The following TAFA1 variants were observed in gnomAD, a reference collection of about 807,000 sequenced individuals.
TAFA1 encodes TAFA chemokine like family member 1.
A neutral mutation model predicts 18.5 loss-of-function variants in TAFA1; 4 were observed. The observed-to-expected ratio is 0.22, with a 90% confidence interval of 0.11 to 0.49. TAFA1 has a LOEUF of 0.49. Among genes scored for constraint, TAFA1 ranks in the 20% least tolerant of loss-of-function variants. The probability of loss-of-function intolerance (pLI) is 0.98; values close to 1 mark genes in which losing one functional copy is unlikely to be tolerated. For synonymous variants in TAFA1, 56 were observed against 55.2 expected, an observed-to-expected ratio of 1.01 and a Z score of -0.06; for missense variants, 147 against 169.0, an observed-to-expected ratio of 0.87 and a Z score of 0.72.
At chr3:68,346,893 G>C (rs949755097) in intron 2 of TAFA1, among the ~76,000 whole-genome samples, 11 of 152,134 alleles carry the variant, frequency 7.2e-5, no homozygotes, top group African/African-American at 2.4e-4. Context: ...AGAGGCTAGA[G>C]GGCTGATAGA....
chr3:68,337,271 C>T (rs1454258193), intron 2 of TAFA1, among the ~76,000 whole-genome samples: 1 of 152,050 alleles, frequency 6.6e-6, no homozygotes, highest in Non-Finnish European at 1.5e-5. Context: ...TCCTATGTGG[C>T]TGGAGCAGGA....
chr3:68,516,571 A>G (rs2072923699), intron 3 of TAFA1, among the ~76,000 whole-genome samples: 1 of 152,170 alleles, frequency 6.6e-6, no homozygotes, highest in Non-Finnish European at 1.5e-5. Flanking sequence ...CTTGGATTGA[A>G]AGCTATCAGG....
At chr3:68,014,984 C>A (rs371911372) in intron 2 of TAFA1, among the ~76,000 whole-genome samples, 4 of 152,042 alleles carry the variant, frequency 2.6e-5, no homozygotes, top group Non-Finnish European at 5.9e-5. Context: ...CCAACTCTAA[C>A]ATTTTATGAT....
chr3:68,389,711 G>T (rs1047612241), intron 2 of TAFA1, among the ~76,000 whole-genome samples: 16 of 152,174 alleles, frequency 1.1e-4, no homozygotes, highest in African/African-American at 3.6e-4. Flanking sequence ...CCCACAGAGG[G>T]TGAGCAGAAG....
intron 2 of TAFA1, among the ~76,000 whole-genome samples, chr3:68,371,789 T>C (rs2069711819): frequency 6.6e-6 from 1 of 152,098 alleles, no homozygotes; most frequent in African/African-American, 2.4e-5. Flanking sequence ...AGTGGCCAAG[T>C]TGGAGACAGA....
At chr3:68,378,958 C>G (rs2069874701) in intron 2 of TAFA1, among the ~76,000 whole-genome samples, 1 of 152,168 alleles carries the variant, frequency 6.6e-6, no homozygotes. Context: ...AATTAAGCCT[C>G]TTTCCTTTCT....
At chr3:68,428,992 C>T (rs553629212) in intron 3 of TAFA1, among the ~76,000 whole-genome samples, 1 of 152,068 alleles carries the variant, frequency 6.6e-6, no homozygotes, top group South Asian at 2.1e-4. Context: ...TGAGAATATA[C>T]TTGGGGTCAT....
At chr3:68,492,219 G>C (rs1003168789) in intron 3 of TAFA1, among the ~76,000 whole-genome samples, 1 of 152,082 alleles carries the variant, frequency 6.6e-6, no homozygotes, top group Non-Finnish European at 1.5e-5. Flanking sequence ...GATTAAAAAC[G>C]CTGTAGAAAC....
chr3:68,384,565 GA>G (rs1412504466), intron 2 of TAFA1, among the ~76,000 whole-genome samples: 1 of 152,084 alleles, frequency 6.6e-6, no homozygotes, highest in Non-Finnish European at 1.5e-5. Flanking sequence ...TGCATTTGCT[GA>G]AAAGTGTTTT....
chr3:68,154,744 G>A (rs1595495), intron 2 of TAFA1, among the ~76,000 whole-genome samples: 149,173 of 152,168 alleles, frequency 0.98, 73,194 homozygotes, highest in East Asian at 1. Context: ...CTCTCCCTCA[G>A]CTTGAACTTT....
chr3:68,158,306 C>T (rs2065887496), intron 2 of TAFA1, among the ~76,000 whole-genome samples: 1 of 152,000 alleles, frequency 6.6e-6, no homozygotes, highest in Non-Finnish European at 1.5e-5. Flanking sequence ...TTTGAGAATC[C>T]CTACTTTCTT....
intron 2 of TAFA1, among the ~76,000 whole-genome samples, chr3:68,059,206 G>T (rs1230509768): frequency 2.6e-5 from 4 of 152,046 alleles, no homozygotes; most frequent in Non-Finnish European, 5.9e-5. Context: ...AATAGCAAAT[G>T]CTCGTTGGGT....
At chr3:68,325,001 A>T (rs76415569) in intron 2 of TAFA1, among the ~76,000 whole-genome samples, 1 of 152,114 alleles carries the variant, frequency 6.6e-6, no homozygotes, top group Admixed American at 6.6e-5. Context: ...TGGGTATTCT[A>T]TGAAATTGTT....
At chr3:68,425,912 T>C (rs1359970435) in intron 3 of TAFA1, among the ~76,000 whole-genome samples, 1 of 151,864 alleles carries the variant, frequency 6.6e-6, no homozygotes, top group African/African-American at 2.4e-5. Context: ...AGGCTCACTC[T>C]TTCTTATTAT....
chr3:68,206,290 A>G (rs547103943), intron 2 of TAFA1, among the ~76,000 whole-genome samples: 1 of 151,930 alleles, frequency 6.6e-6, no homozygotes, highest in Admixed American at 6.6e-5. Flanking sequence ...AAAAAAAAGA[A>G]TATGTAGAAT....
In TAFA1 at chr3:68,269,802, G is replaced by A. The variant is rs536671725; in HGVS notation, c.119-147478G>A. On this transcript the variant is annotated intron_variant, in intron 2 of 4. Coordinates refer to ENST00000478136, the MANE Select transcript of TAFA1 (RefSeq NM_213609.4). ...CAGGTAACATTTTTAAAAAGAGAGA[G>A]AACCAGTTTTAATGCACAGCAACCA... Among the ~76,000 whole-genome samples the A allele has an allele frequency of 1.9e-3, 282 of 152,228 alleles. 3 individuals carry two copies. Among genetic ancestry groups the A allele is most frequent in the South Asian group, 9.5e-3 (46 of 4,822 alleles).
chr3:68,371,921 C>T lies in TAFA1; in HGVS notation c.119-45359C>T, dbSNP rs567520840. On this transcript the variant is annotated intron_variant, in intron 2 of 4. Coordinates refer to ENST00000478136, the MANE Select transcript of TAFA1 (RefSeq NM_213609.4). ...ATGGGGACATGGTGATCCAGTGCTG[C>T]TCAACCTGATATTTTTCAGAGAAAC... 6.6e-5 allele frequency among the ~76,000 whole-genome samples: 10 copies of T among 152,258 alleles called. No homozygotes were observed. In the South Asian group the frequency reaches 2.1e-3, roughly 32 times the overall value.
the TAFA1 span, among the ~76,000 whole-genome samples, chr3:67,993,288 T>C: frequency 2.0e-5 from 3 of 152,216 alleles, no homozygotes; most frequent in African/African-American, 7.2e-5. Context: ...AGGTAGGAAA[T>C]ACAGCAAACG....
intron 3 of TAFA1, among the ~76,000 whole-genome samples, chr3:68,531,793 C>G (rs2073191995): frequency 6.6e-6 from 1 of 152,142 alleles, no homozygotes; most frequent in Non-Finnish European, 1.5e-5. Flanking sequence ...ACCTGACCAT[C>G]AACTGATGGT....
Sources: allele counts gnomAD v4.1 joint callset (sites outside exome capture counted in the v4.1 genomes callset), GRCh38; gene constraint gnomAD v4.1.1; transcripts MANE v1.5; gene names NCBI Gene and HGNC (gene_info 2026-07-23, HGNC 2026-07-21).